SLC22A14: variants seen among roughly 807,000 people sequenced by gnomAD.
SLC22A14 encodes solute carrier family 22 member 14, also known as organic cation transporter-like 4.
SLC22A14 carries 50 observed loss-of-function variants against 53.9 expected under a neutral mutation model. The ratio of observed to expected loss-of-function variants is 0.93; its 90% CI spans 0.74 to 1.17. The LOEUF (loss-of-function observed/expected upper bound fraction) is 1.17. SLC22A14 is among the 50% of genes most tolerant of loss of function. SLC22A14 has a pLI of 0.00. For synonymous variants in SLC22A14, 312 were observed against 303.0 expected, an observed-to-expected ratio of 1.03 and a Z score of -0.31; for missense variants, 671 against 734.7, an observed-to-expected ratio of 0.91 and a Z score of 1.00.
chr3:38,313,695 T>TGTGTGTGC, intron 7 of SLC22A14, 32 bp from the exon 8 acceptor site: 2 of 1,339,474 alleles, frequency 1.5e-6, no homozygotes, highest in Non-Finnish European at 2.1e-6. Context: ...TGCGCGCGTG[T>TGTGTGTGC]GCACGCGCAC....
In SLC22A14 at chr3:38,316,448, T is replaced by G. The variant is rs756058925; in HGVS notation, c.1657T>G (p.Phe553Val). 6.2e-7 allele frequency: 1 copy of G among 1,613,972 alleles called. No homozygotes were observed. The highest frequency in any genetic ancestry group is 8.5e-7 in the Non-Finnish European group (1 of 1,179,922). The change falls in exon 10 of 11, where the codon TTT (phenylalanine) becomes GTT (valine). Residue 553 changes from phenylalanine (F) to valine (V), a missense_variant. Phe to Val is a conservative substitution (Grantham distance 50). Coordinates refer to ENST00000448498, the MANE Select transcript of SLC22A14 (RefSeq NM_001320033.2). Reference protein sequence around the residue: ...FLCCVLAIVAFSLSSLLPETR... With the variant: ...FLCCVLAIVAVSLSSLLPETR... ...CTGCTGCGTCTTAGCCATCGTGGCC[T>G]TTTCCCTCTCCTCCCTGCTGCCGGA...
upstream of SLC22A14, among the ~76,000 whole-genome samples, chr3:38,279,109 C>T (rs914872707): frequency 6.6e-6 from 1 of 152,202 alleles, no homozygotes; most frequent in Non-Finnish European, 1.5e-5. Context: ...GACCAGTTTC[C>T]TGTAAACCCA....
intron 1 of SLC22A14, among the ~76,000 whole-genome samples, chr3:38,291,768 T>C (rs925326896): frequency 6.6e-6 from 1 of 152,254 alleles, no homozygotes; most frequent in Non-Finnish European, 1.5e-5. Context: ...TAGGGCCTTC[T>C]TTAGGGCCTG....
At chr3:38,312,026 C>A (rs1704481237) in intron 5 of SLC22A14, among the ~76,000 whole-genome samples, 1 of 152,104 alleles carries the variant, frequency 6.6e-6, no homozygotes, top group Admixed American at 6.5e-5. Context: ...GATTGCTGAA[C>A]CCTGGTGGGA....
rs758983357 is a variant in SLC22A14, at chr3:38,316,563, C to A, written c.1733+39C>A. On this transcript the variant is annotated intron_variant, in intron 10 of 10. Coordinates refer to ENST00000448498, the MANE Select transcript of SLC22A14 (RefSeq NM_001320033.2). ...CCTCCTGGGCTGTGCCAGCACGGGG[C>A]CTGGCTCTGAAGCCTTGGCACAGAG... 115 of 1,574,606 alleles carry A rather than the reference C, an allele frequency of 7.3e-5. 2 individuals carry two copies. The South Asian group carries it at 1.2e-3, about 16-fold the overall frequency.
chr3:38,306,502 G>C lies in SLC22A14; in HGVS notation c.476G>C (p.Trp159Ser), dbSNP rs1393807538. ...LNDTDTCQDG[W>S]IYPDAKKRSL... ...GACACAGACACATGCCAAGATGGGT[G>C]GATCTATCCTGACGCTAAGAAGCGA... Residue 159 changes from tryptophan to serine, a missense_variant, in exon 2 of 11, where the codon TGG becomes TCG. Physicochemically the swap from Trp to Ser is radical, Grantham distance 177. Transcript: ENST00000448498. The C allele has an allele frequency of 1.2e-6, 2 of 1,614,102 alleles. No individual in the cohort carries two copies. Among genetic ancestry groups the C allele is most frequent in the South Asian group, 1.1e-5 (1 of 91,064 alleles).
chr3:38,281,647 T>C (rs1277424972), upstream of SLC22A14, among the ~76,000 whole-genome samples: 1 of 152,216 alleles, frequency 6.6e-6, no homozygotes, highest in African/African-American at 2.4e-5. Flanking sequence ...ATGACCCAAT[T>C]ACATCTTAAA....
intron 1 of SLC22A14, among the ~76,000 whole-genome samples, chr3:38,289,042 T>C (rs1703850922): frequency 1.3e-5 from 2 of 151,888 alleles, no homozygotes; most frequent in Admixed American, 6.6e-5. Flanking sequence ...TAGCCCTGCA[T>C]GGTGGCACAC....
chr3:38,311,574 A>C (rs1704467961), intron 5 of SLC22A14, among the ~76,000 whole-genome samples: 1 of 152,246 alleles, frequency 6.6e-6, no homozygotes, highest in African/African-American at 2.4e-5. Context: ...TACTATAAGT[A>C]GTCAAGAGAA....
intron 5 of SLC22A14, among the ~76,000 whole-genome samples, 186 bp downstream of exon 5, chr3:38,309,308 G>A (rs775102435): frequency 2.6e-5 from 4 of 152,138 alleles, no homozygotes; most frequent in Admixed American, 1.3e-4. Flanking sequence ...CCTCCTCCCC[G>A]ACCCAGAGAA....
intron 4 of SLC22A14, chr3:38,308,254 A>AGG (rs1491343115): frequency 0.028 from 4,355 of 154,694 alleles, 179 homozygotes; most frequent in African/African-American, 0.093. Context: ...GGAGGAGGAG[A>AGG]AGAAGAAGAA....
intron 1 of SLC22A14, among the ~76,000 whole-genome samples, chr3:38,288,046 C>A (rs552318855): frequency 2.0e-5 from 3 of 152,154 alleles, no homozygotes; most frequent in Admixed American, 2.0e-4. Flanking sequence ...ATCTCCGGAA[C>A]GATTTCATTT....
In SLC22A14 at chr3:38,316,455, T is replaced by C. The variant is rs1347862251; in HGVS notation, c.1664T>C (p.Leu555Pro). ...CCVLAIVAFS[L>P]SSLLPETRDQ... The stretch of plus-strand genomic sequence containing the variant: ...GTCTTAGCCATCGTGGCCTTTTCCC[T>C]CTCCTCCCTGCTGCCGGAAACGCGA... The change falls in exon 10 of 11, where the codon CTC (leucine) becomes CCC (proline). Residue 555 changes from leucine to proline, a missense_variant. Coordinates refer to ENST00000448498, the MANE Select transcript of SLC22A14 (RefSeq NM_001320033.2). The C allele has an allele frequency of 6.2e-7, 1 of 1,613,752 alleles. No individual in the cohort carries two copies. Among genetic ancestry groups the C allele is most frequent in the Non-Finnish European group, 8.5e-7 (1 of 1,179,924 alleles).
At chr3:38,305,966 G>A (rs1704287603) in intron 1 of SLC22A14, 61 bp from the exon 2 acceptor site, 25 of 1,524,378 alleles carry the variant, frequency 1.6e-5, no homozygotes, top group Non-Finnish European at 2.1e-5. Context: ...CTCCCATGCT[G>A]GTCTCTGATG....
chr3:38,317,691 G>A (rs537333230), intron 10 of SLC22A14, among the ~76,000 whole-genome samples: 13 of 152,322 alleles, frequency 8.5e-5, no homozygotes, highest in African/African-American at 3.1e-4. Context: ...AATGAGAACA[G>A]AGTAATAACA....
chr3:38,283,241 C>T (rs187070594), intron 1 of SLC22A14, among the ~76,000 whole-genome samples: 3 of 152,210 alleles, frequency 2.0e-5, no homozygotes, highest in Admixed American at 1.3e-4. Flanking sequence ...TTAAAGTCAG[C>T]TAAGTAGTAA....
intron 1 of SLC22A14, among the ~76,000 whole-genome samples, chr3:38,298,028 G>C (rs1325863381): frequency 1.3e-5 from 2 of 152,142 alleles, no homozygotes; most frequent in African/African-American, 4.8e-5. Flanking sequence ...GTAAAGAAGA[G>C]CTGTCCCTTT....
chr3:38,299,140 G>T (rs950417602), intron 1 of SLC22A14, among the ~76,000 whole-genome samples: 1 of 152,120 alleles, frequency 6.6e-6, no homozygotes, highest in Admixed American at 6.5e-5. Flanking sequence ...ATCACATTAG[G>T]TTTATTTGCT....
intron 1 of SLC22A14, among the ~76,000 whole-genome samples, chr3:38,287,048 T>C (rs1196641825): frequency 1.3e-5 from 2 of 152,172 alleles, no homozygotes; most frequent in Non-Finnish European, 2.9e-5. Flanking sequence ...GATTTGTGGT[T>C]CTGTACATAC....
Sources: allele counts gnomAD v4.1 joint callset (sites outside exome capture counted in the v4.1 genomes callset), GRCh38; gene constraint gnomAD v4.1.1; transcripts MANE v1.5; gene names NCBI Gene and HGNC (gene_info 2026-07-23, HGNC 2026-07-21).